The following TPM4 variants were observed in gnomAD, a reference collection of about 807,000 sequenced individuals.
TPM4 encodes the protein tropomyosin alpha-4 chain.
Under a neutral mutation model 35.8 loss-of-function variants are expected in TPM4, and 17 were observed. That is an observed-to-expected ratio of 0.47 (90% CI 0.32 to 0.71). TPM4 has a LOEUF of 0.71. Ranked by LOEUF, TPM4 falls within the 30% of genes least tolerant of loss-of-function variation. The pLI is 0.03. For missense variants in TPM4, 240 were observed against 320.9 expected (o/e 0.75, Z 1.93); for synonymous variants, 120 against 122.9 (o/e 0.98, Z 0.15).
At chr19:16,069,988 ATGTG>A (rs144086539) in intron 2 of TPM4, among the ~76,000 whole-genome samples, 1 of 146,286 alleles carries the variant, frequency 6.8e-6, no homozygotes, top group Non-Finnish European at 1.5e-5. Context: ...ATGGCACGGC[ATGTG>A]TGTGTGTGTG....
intron 3 of TPM4, among the ~76,000 whole-genome samples, chr19:16,087,010 G>A (rs1251808672): frequency 6.6e-6 from 1 of 152,126 alleles, no homozygotes; most frequent in Non-Finnish European, 1.5e-5. Flanking sequence ...GGCCAGGCGC[G>A]GTGGCTCGTA....
intron 7 of TPM4, among the ~76,000 whole-genome samples, chr19:16,094,705 A>G (rs1410464538): frequency 1.3e-5 from 2 of 151,750 alleles, no homozygotes; most frequent in African/African-American, 2.4e-5. Flanking sequence ...AGGGACTGCA[A>G]TAAAGACTAG....
chr19:16,095,138 T>G (rs1324356538), intron 7 of TPM4: 1 of 433,186 alleles, frequency 2.3e-6, no homozygotes, highest in Non-Finnish European at 3.1e-6. Context: ...TTTCTCCTAG[T>G]CTGTGCTTTG....
At chr19:16,095,205 C>A in intron 7 of TPM4, 6 of 1,005,522 alleles carry the variant, frequency 6.0e-6, no homozygotes, top group Non-Finnish European at 6.0e-6. Context: ...TCCATTCCGA[C>A]CCTTGCCTTC....
At chr19:16,099,412 C>T (rs1052757385) in intron 7 of TPM4, among the ~76,000 whole-genome samples, 2 of 151,698 alleles carry the variant, frequency 1.3e-5, no homozygotes, top group South Asian at 2.1e-4. Context: ...GGCGAAACCC[C>T]ATCTCTACTA....
upstream of TPM4, chr19:16,076,037 T>C (rs1337991738): frequency 1.9e-6 from 3 of 1,566,742 alleles, no homozygotes; most frequent in South Asian, 2.3e-5. Context: ...CCTCGCTCTG[T>C]CGTCCCCAGG....
rs1272203334 is a variant in TPM4, at chr19:16,070,477, C to T, written c.114+2739C>T. ...GACCATGGCACCGAGTGCCCAGCCC[C>T]ACCCAGGCCAGGAGCCAGGCCAGCC... On this transcript the variant is annotated intron_variant, in intron 2 of 2. Coordinates refer to the TPM4 transcript ENST00000589897. The surrounding 1 kb of genome is among the most constrained non-coding windows in gnomAD (Gnocchi z 7.4). 1.3e-5 allele frequency among the ~76,000 whole-genome samples: 2 copies of T among 152,104 alleles called. No homozygotes were observed. Among genetic ancestry groups the T allele is most frequent in the Non-Finnish European group, 2.9e-5 (2 of 67,966 alleles).
At chr19:16,076,887 T>G in intron 1 of TPM4, 190 bp downstream of exon 1, 1 of 1,183,798 alleles carries the variant, frequency 8.4e-7, no homozygotes, top group Non-Finnish European at 1.1e-6. Context: ...CCGTCCTCCT[T>G]CCTGGGCCTG....
upstream of TPM4, among the ~76,000 whole-genome samples, chr19:16,073,950 A>AC (rs2144912601): frequency 7.9e-6 from 1 of 126,170 alleles, no homozygotes; most frequent in African/African-American, 2.9e-5. Flanking sequence ...AAAAAAAAAA[A>AC]AAAAAAAAAA....
intron 7 of TPM4, among the ~76,000 whole-genome samples, chr19:16,094,991 G>C (rs868837936): frequency 6.6e-6 from 1 of 152,124 alleles, no homozygotes; most frequent in Non-Finnish European, 1.5e-5. Context: ...GGGACCAGTG[G>C]GGGGAAGCTC....
At chr19:16,089,144 G>C in intron 5 of TPM4, 24 bp downstream of exon 5, 1 of 1,612,662 alleles carries the variant, frequency 6.2e-7, no homozygotes, top group Non-Finnish European at 8.5e-7. Context: ...TTGAGCTGGA[G>C]GGTGGCTTGC....
intron 2 of TPM4, among the ~76,000 whole-genome samples, chr19:16,085,508 G>T (rs765711627): frequency 6.6e-6 from 1 of 152,022 alleles, no homozygotes. Flanking sequence ...CAAGGCTGCC[G>T]TGAGCTCTCA....
At chr19:16,096,263 A>G (rs2144960386) in intron 7 of TPM4, among the ~76,000 whole-genome samples, 1 of 152,134 alleles carries the variant, frequency 6.6e-6, no homozygotes, top group African/African-American at 2.4e-5. Context: ...GGAGGGTTTC[A>G]CTATGTTGCC....
At chr19:16,072,176 G>A (rs73515752), upstream of TPM4, among the ~76,000 whole-genome samples, 1,651 of 152,258 alleles carry the variant, frequency 0.011, 31 homozygotes, top group African/African-American at 0.038. Flanking sequence ...TTGTGTCTTC[G>A]ATTCATCCCA....
intron 1 of TPM4, among the ~76,000 whole-genome samples, chr19:16,079,547 G>A (rs769357590): frequency 1.3e-5 from 2 of 152,166 alleles, no homozygotes; most frequent in South Asian, 2.1e-4. Flanking sequence ...ACTGCAATAC[G>A]AAACACCTGT....
Position 16,067,981 on chromosome 19 carries a change from G to A in TPM4, c.114+243G>A, listed in dbSNP as rs1653681631. The A allele has an allele frequency of 2.0e-5, 10 of 500,276 alleles. No homozygotes were observed. The South Asian group carries it at 2.1e-4, about 11-fold the overall frequency. 31.0% of individuals were successfully genotyped at this position (500,276 alleles called of 1,614,324 possible). A position where few individuals can be genotyped will look rare whatever the true frequency, so the allele number is the denominator to read the frequency against. On this transcript the variant is annotated intron_variant, in intron 2 of 2. Coordinates refer to the TPM4 transcript ENST00000589897. The surrounding 1 kb of genome is among the most constrained non-coding windows in gnomAD (Gnocchi z 4.1). ...GAACAAAGTGAGTTTGACAGAGAGA[G>A]AGTTGGCGGGGGAGGGAGAGTGAGA...
intron 5 of TPM4, among the ~76,000 whole-genome samples, chr19:16,092,266 C>T (rs188772381): frequency 6.6e-6 from 1 of 151,668 alleles, no homozygotes; most frequent in Non-Finnish European, 1.5e-5. Context: ...CATTCATGGA[C>T]AGGGACTGGG....
At chr19:16,089,243 C>A in intron 5 of TPM4, 123 bp downstream of exon 5, 1 of 1,299,496 alleles carries the variant, frequency 7.7e-7, no homozygotes, top group Non-Finnish European at 1.1e-6. Context: ...GCGTTGGTGC[C>A]TGGCAGCCAG....
In TPM4 at chr19:16,093,887, T is replaced by C. The variant is rs199519831; in HGVS notation, c.664+134T>C. 31 of 849,096 alleles carry C rather than the reference T, an allele frequency of 3.7e-5. No homozygotes were observed. In the East Asian group the frequency reaches 8.1e-4, roughly 22 times the overall value. 52.6% of individuals were successfully genotyped at this position (849,096 alleles called of 1,614,324 possible). On this transcript the variant is annotated intron_variant, in intron 7 of 7. Coordinates refer to ENST00000643579, the MANE Select transcript of TPM4 (RefSeq NM_003290.3). ...CTTAGGAAAGTAAAGCGCATAGTGA[T>C]GTCATATCTGGATGTCCTGGAACAC...
Sources: gnomAD v4.1 joint callset for allele counts (sites outside exome capture counted in the v4.1 genomes callset) on GRCh38, gnomAD v4.1.1 for gene constraint, Gnocchi (gnomAD v3.1) non-coding constraint, MANE v1.5 for transcripts, NCBI Gene and HGNC (gene_info 2026-07-23, HGNC 2026-07-21) for gene names.